The following TARBP1 variants were observed in gnomAD, a reference collection of about 807,000 sequenced individuals.
TARBP1 encodes tRNA (guanosine(18)-2'-O)-methyltransferase TARBP1.
TARBP1 carries 144 observed loss-of-function variants against 178.6 expected under a neutral mutation model. That is an observed-to-expected ratio of 0.81 (90% CI 0.70 to 0.93). The LOEUF (loss-of-function observed/expected upper bound fraction) is 0.93, where lower values mean the gene tolerates loss of function less well. Ranked by LOEUF, TARBP1 falls within the 40% of genes least tolerant of loss-of-function variation. TARBP1 has a pLI of 0.00. For missense variants in TARBP1, 2,067 were observed against 2,011.7 expected (o/e 1.03, Z -0.53); for synonymous variants, 787 against 781.0 (o/e 1.01, Z -0.13).
intron 12 of TARBP1, among the ~76,000 whole-genome samples, chr1:234,444,183 C>T (rs577575645): frequency 6.3e-4 from 95 of 151,990 alleles, no homozygotes; most frequent in African/African-American, 2.1e-3. Flanking sequence ...AAGAAAAGTT[C>T]CAATAGACAA....
rs1666414344 is a variant in TARBP1, at chr1:234,448,534, A to G, written c.1907T>C (p.Val636Ala). 6.2e-7 allele frequency: 1 copy of G among 1,613,976 alleles called. No homozygotes were observed. Among genetic ancestry groups the G allele is most frequent in the African/African-American group, 1.3e-5 (1 of 74,918 alleles). Residue 636 changes from valine to alanine, a missense_variant, in exon 11 of 30, where the codon GTT (valine) becomes GCT (alanine). By Grantham distance (64) the Val-to-Ala change is moderately conservative. Coordinates refer to ENST00000040877, the MANE Select transcript of TARBP1 (RefSeq NM_005646.4). The stretch of plus-strand genomic sequence containing the variant: ...CACAGCCAGCAAGACCATCAGAGAA[A>G]CAAGCTTGGCTTCAAACCAATCAGG... ...FMPDWFEAKL[V>A]SLMVLLAVDV... is the part of the protein sequence containing the mutation.
rs373016290 is a variant in TARBP1 at position 234,398,384 on chromosome 1, A to G, written c.4241T>C (p.Ile1414Thr). Residue 1414 changes from isoleucine (I) to threonine (T), a missense_variant and splice_region_variant, in exon 26 of 30, where the codon ATA becomes ACA. Physicochemically the swap from Ile to Thr is moderately conservative, Grantham distance 89. Transcript: ENST00000040877. ...LKPGDWSQQD[I>T]GTNLVEADNQ... ...ATAAAATGAAAATTATTTTTTACCT[A>G]TGTCTTGCTGAGACCAGTCACCTGG... 70 of 1,577,460 alleles carry G rather than the reference A, an allele frequency of 4.4e-5. No individual in the cohort carries two copies. The South Asian group carries it at 7.1e-4, about 16-fold the overall frequency.
chr1:234,418,021 T>C, intron 22 of TARBP1, 63 bp downstream of exon 22: 1 of 1,009,976 alleles, frequency 9.9e-7, no homozygotes. Flanking sequence ...GTGAAACAAA[T>C]CTCCCAGCAT....
rs559845222 is a variant in TARBP1, at chr1:234,413,461, C to T, written c.3706-2930G>A. On this transcript the variant is annotated intron_variant, in intron 22 of 29. Transcript: ENST00000040877. ...TGCACTCTAGCTTGGGCGACAAGAA[C>T]GAAACTCCATTGCAAAAACAAAACA... Among the ~76,000 whole-genome samples the T allele has an allele frequency of 3.1e-4, 46 of 149,398 alleles. No homozygotes were observed. In the South Asian group the frequency reaches 8.6e-3, roughly 28 times the overall value.
At chr1:234,394,616 G>A (rs927258503) in intron 26 of TARBP1, among the ~76,000 whole-genome samples, 1 of 152,232 alleles carries the variant, frequency 6.6e-6, no homozygotes, top group Non-Finnish European at 1.5e-5. Flanking sequence ...TAAGACCCCG[G>A]AAGGCTCGCG....
At chr1:234,440,074 C>T (rs1300049726) in intron 12 of TARBP1, among the ~76,000 whole-genome samples, 1 of 151,876 alleles carries the variant, frequency 6.6e-6, no homozygotes, top group African/African-American at 2.4e-5. Flanking sequence ...AATTAGAAAG[C>T]AGTAACTAGG....
intron 22 of TARBP1, among the ~76,000 whole-genome samples, chr1:234,413,736 A>C (rs575607531): frequency 6.6e-6 from 1 of 152,282 alleles, no homozygotes; most frequent in Non-Finnish European, 1.5e-5. Context: ...CCTGGGCTTC[A>C]GGGTGGAAAG....
chr1:234,470,620 CTTTTTTT>C (rs1160690637), intron 3 of TARBP1, among the ~76,000 whole-genome samples: 37,860 of 146,402 alleles, frequency 0.26, 6,610 homozygotes, highest in East Asian at 0.83. Flanking sequence ...AAATTGTGTT[CTTTTTTT>C]TTTTTTTGAG....
intron 23 of TARBP1, chr1:234,406,697 A>C (rs141144593): frequency 1.3e-5 from 2 of 152,490 alleles, no homozygotes; most frequent in East Asian, 3.9e-4. Flanking sequence ...TTTCCTGTGA[A>C]CTTTAGTCTT....
chr1:234,429,381 A>T lies in TARBP1; in HGVS notation c.2871+35T>A, dbSNP rs767108614. On this transcript the variant is annotated intron_variant, in intron 16 of 29. Coordinates refer to ENST00000040877, the MANE Select transcript of TARBP1 (RefSeq NM_005646.4). The stretch of plus-strand genomic sequence containing the variant: ...TCAAAAACTTGATCGCCACTCCTAT[A>T]GTTACTGTTCAATTCATGTTTCACT... The T allele has an allele frequency of 1.9e-6, 3 of 1,583,674 alleles. No individual in the cohort carries two copies. The South Asian group carries it at 3.5e-5, about 19-fold the overall frequency.
Position 234,478,215 on chromosome 1 carries a change from C to T in TARBP1, c.889G>A (p.Glu297Lys). Residue 297 changes from glutamate to lysine, a missense_variant, in exon 1 of 30, where the codon GAG becomes AAG. Physicochemically the swap from Glu to Lys is moderately conservative, Grantham distance 56. Coordinates refer to ENST00000040877, the MANE Select transcript of TARBP1 (RefSeq NM_005646.4). ...CCGCAGGTGCAGTCGGCCCCCAGCT[C>T]CGCCGACACCTCCACCGCCCTCTGC... is the stretch of plus-strand genomic sequence containing the variant. Reference protein sequence around the residue: ...LLQRAVEVSAELGADCTCGPQ... With the variant: ...LLQRAVEVSAKLGADCTCGPQ... 3 of 1,612,010 alleles carry T rather than the reference C, an allele frequency of 1.9e-6. No homozygotes were observed. Among genetic ancestry groups the T allele is most frequent in the Non-Finnish European group, 2.5e-6 (3 of 1,179,644 alleles).
rs530670752 is a variant in TARBP1, at chr1:234,449,773, T to C, written c.1861+655A>G. On this transcript the variant is annotated intron_variant, in intron 10 of 29. Transcript: ENST00000040877. ...AGACAAAGCTAGGAAATTTAAGACA[T>C]GTTAAATTCGAAGATGCAATTTTCC... Among the ~76,000 whole-genome samples the C allele has an allele frequency of 2.3e-3, 347 of 152,302 alleles. 4 individuals carry two copies. The highest frequency in any genetic ancestry group is 7.9e-3 in the African/African-American group (327 of 41,558).
chr1:234,424,045 A>G (rs913572524), intron 20 of TARBP1, among the ~76,000 whole-genome samples: 1 of 152,178 alleles, frequency 6.6e-6, no homozygotes, highest in African/African-American at 2.4e-5. Context: ...TGACTCCAAC[A>G]CTACAGAGAG....
chr1:234,401,559 C>T (rs1314093517), intron 24 of TARBP1, among the ~76,000 whole-genome samples: 12 of 152,178 alleles, frequency 7.9e-5, no homozygotes, highest in Non-Finnish European at 1.5e-4. Context: ...AAGACTCATA[C>T]CATGCAGCCA....
chr1:234,473,950 G>A (rs1298283705), intron 1 of TARBP1, among the ~76,000 whole-genome samples: 4 of 152,058 alleles, frequency 2.6e-5, no homozygotes, highest in Non-Finnish European at 4.4e-5. Context: ...ATTAAAAAGG[G>A]GACATTCTGA....
intron 13 of TARBP1, among the ~76,000 whole-genome samples, chr1:234,434,337 T>C (rs73101944): frequency 0.02 from 3,078 of 152,280 alleles, 70 homozygotes; most frequent in African/African-American, 0.061. Flanking sequence ...AGAGGCCTCC[T>C]ATGGCACATA....
chr1:234,420,877 TC>T, intron 20 of TARBP1, 65 bp from the exon 21 acceptor site: 1 of 1,022,210 alleles, frequency 9.8e-7, no homozygotes. Context: ...AATGAAAAAA[TC>T]AATGACAACT....
In TARBP1 at chr1:234,398,552, G is replaced by C. The variant is rs780957119; in HGVS notation, c.4073C>G (p.Thr1358Ser). 9 of 1,551,508 alleles carry C rather than the reference G, an allele frequency of 5.8e-6. No homozygotes were observed. Among genetic ancestry groups the C allele is most frequent in the Admixed American group, 5.5e-5 (3 of 54,812 alleles). Residue 1358 changes from threonine (T) to serine (S), a missense_variant and splice_region_variant, in exon 26 of 30, where the codon ACC (threonine) becomes AGC (serine). Physicochemically the swap from Thr to Ser is moderately conservative, Grantham distance 58. Coordinates refer to ENST00000040877, the MANE Select transcript of TARBP1 (RefSeq NM_005646.4). Reference sequence around the variant, plus strand: ...AAGGCGTGGAAGGATGTAAAATATGGTCTGAAAAGAGAATTATAAAATCTA... The same window carrying C: ...AAGGCGTGGAAGGATGTAAAATATGCTCTGAAAAGAGAATTATAAAATCTA... The part of the protein sequence containing the change: ...FHPLKDYCLE[T>S]IFYILPRLSG...
intron 26 of TARBP1, among the ~76,000 whole-genome samples, chr1:234,394,376 T>A (rs1285493048): frequency 1.3e-5 from 2 of 152,266 alleles, no homozygotes; most frequent in African/African-American, 4.8e-5. Flanking sequence ...AGAACGTTAC[T>A]AGCCTATCTG....
Sources: gnomAD v4.1 joint callset for allele counts (sites outside exome capture counted in the v4.1 genomes callset) on GRCh38, gnomAD v4.1.1 for gene constraint, MANE v1.5 for transcripts, NCBI Gene and HGNC (gene_info 2026-07-23, HGNC 2026-07-21) for gene names.